The following FRMPD4 variants were observed in gnomAD, a reference collection of about 807,000 sequenced individuals.
The protein encoded by FRMPD4 is FERM and PDZ domain-containing protein 4.
FRMPD4 carries 22 observed loss-of-function variants against 94.1 expected under a neutral mutation model. The ratio of observed to expected loss-of-function variants is 0.23; its 90% CI spans 0.17 to 0.33. The LOEUF (loss-of-function observed/expected upper bound fraction) is 0.33. FRMPD4 is among the 10% of genes least tolerant of loss of function. FRMPD4 has a pLI of 1.00. For synonymous variants in FRMPD4, 631 were observed against 548.6 expected (o/e 1.15, Z -2.10); for missense variants, 1,111 against 1,339.9 (o/e 0.83, Z 2.67).
chrX:11,978,374 A>G lies in FRMPD4; in HGVS notation c.95+100356A>G, dbSNP rs747306410. 6.5e-3 allele frequency among the ~76,000 whole-genome samples: 692 copies of G among 106,314 alleles called. 3 individuals carry two copies. The highest frequency in any genetic ancestry group is 0.024 in the Middle Eastern group (5 of 208). The allele number at this position is 106,314 out of a possible 115,157, so 92.3% of individuals were successfully genotyped here. A position where few individuals can be genotyped will look rare whatever the true frequency, so the allele number is the denominator to read the frequency against. ...AGTTCCCTGGCTGAGGAGGAAGTCC[A>G]TTCAGATGGTTGGGGGGCCTTAGAA... is the stretch of plus-strand genomic sequence containing the variant. On this transcript the variant is annotated intron_variant, in intron 3 of 18. Coordinates refer to the FRMPD4 transcript ENST00000640291.
chrX:12,583,553 G>T (rs947887200), intron 2 of FRMPD4: 94 of 878,152 alleles, frequency 1.1e-4, no homozygotes, highest in Admixed American at 1.8e-4. Context: ...CCAAAACCAC[G>T]CTCCAGCGCA....
At chrX:12,614,655 G>C in intron 3 of FRMPD4, 124 bp from the exon 4 acceptor site, 1 of 468,024 alleles carries the variant, frequency 2.1e-6, no homozygotes, top group Admixed American at 2.9e-5. Context: ...GAACACCCAA[G>C]TGTGGTTGGG....
intron 3 of FRMPD4, among the ~76,000 whole-genome samples, chrX:11,932,599 T>A (rs1199680668): frequency 9.0e-6 from 1 of 110,704 alleles, no homozygotes; most frequent in Non-Finnish European, 1.9e-5. Flanking sequence ...TGTGTAAAAC[T>A]GTGTACTAGG....
At chrX:11,893,930 G>T (rs775725857) in intron 3 of FRMPD4, among the ~76,000 whole-genome samples, 1 of 111,843 alleles carries the variant, frequency 8.9e-6, no homozygotes, top group Non-Finnish European at 1.9e-5. Flanking sequence ...TGTTGTGAAG[G>T]GATTCTGCAG....
chrX:12,427,908 T>C (rs867700376), intron 1 of FRMPD4, among the ~76,000 whole-genome samples: 9,000 of 71,710 alleles, frequency 0.13, 528 homozygotes, highest in Middle Eastern at 0.21. Flanking sequence ...TTTTTTTTTT[T>C]TTTTTTTTTT....
At chrX:12,610,258 G>T (rs2059168613) in intron 3 of FRMPD4, among the ~76,000 whole-genome samples, 1 of 112,276 alleles carries the variant, frequency 8.9e-6, no homozygotes, top group African/African-American at 3.2e-5. Flanking sequence ...GGGGTAGTTG[G>T]ATTATTTCAC....
chrX:11,842,267 T>A (rs2053541918), intron 1 of FRMPD4, among the ~76,000 whole-genome samples: 1 of 101,886 alleles, frequency 9.8e-6, no homozygotes, highest in South Asian at 4.2e-4. Flanking sequence ...TAAAGTAGTT[T>A]TTTCCAATTC....
chrX:12,268,554 A>G (rs757577396), intron 1 of FRMPD4, among the ~76,000 whole-genome samples: 22 of 111,756 alleles, frequency 2.0e-4, no homozygotes, highest in Admixed American at 5.7e-4. Flanking sequence ...TGGTTGGGAA[A>G]TTACTTTGGA....
At chrX:12,260,268 C>T (rs1277921844) in intron 1 of FRMPD4, among the ~76,000 whole-genome samples, 2 of 111,396 alleles carry the variant, frequency 1.8e-5, no homozygotes, top group Non-Finnish European at 3.8e-5. Flanking sequence ...TGTCCAAATA[C>T]CTATTGCATA....
chrX:11,854,750 TTG>T (rs1358973882), intron 1 of FRMPD4, among the ~76,000 whole-genome samples: 1 of 112,685 alleles, frequency 8.9e-6, no homozygotes. Flanking sequence ...CCCCGTGGCT[TTG>T]CAGGGTACAG....
At chrX:12,537,794 T>C (rs2058357469) in intron 2 of FRMPD4, among the ~76,000 whole-genome samples, 1 of 110,655 alleles carries the variant, frequency 9.0e-6, no homozygotes, top group Non-Finnish European at 1.9e-5. Context: ...GCACGCCTAT[T>C]GTCTGAATTA....
At chrX:12,694,484 C>T (rs1340190283) in intron 9 of FRMPD4, 30 bp downstream of exon 9, 1 of 1,127,718 alleles carries the variant, frequency 8.9e-7, no homozygotes. Context: ...TGTTTTATAT[C>T]AATGTTGTGA....
chrX:12,329,507 G>A (rs769772401), intron 1 of FRMPD4, among the ~76,000 whole-genome samples: 14 of 110,625 alleles, frequency 1.3e-4, no homozygotes, highest in African/African-American at 4.3e-4. Context: ...CCTCAGTTTG[G>A]GGTATTGCTT....
intron 12 of FRMPD4, 40 bp from the exon 13 acceptor site, chrX:12,707,429 G>A: frequency 1.9e-6 from 2 of 1,032,426 alleles, no homozygotes; most frequent in Admixed American, 5.5e-5. Flanking sequence ...TAGCATTTCA[G>A]AGGTTCAGTA....
intron 1 of FRMPD4, among the ~76,000 whole-genome samples, chrX:12,162,478 A>G: frequency 8.9e-6 from 1 of 112,221 alleles, no homozygotes; most frequent in Non-Finnish European, 1.9e-5. Flanking sequence ...CAGATTGCCC[A>G]CTCAGAATGC....
intron 2 of FRMPD4, among the ~76,000 whole-genome samples, chrX:12,562,568 G>A (rs1292879675): frequency 8.9e-6 from 1 of 112,501 alleles, no homozygotes; most frequent in Admixed American, 9.4e-5. Context: ...AAAGTGCTAT[G>A]ATTAATTCTT....
At chrX:12,306,395 G>T (rs2054943407) in intron 1 of FRMPD4, among the ~76,000 whole-genome samples, 1 of 112,046 alleles carries the variant, frequency 8.9e-6, no homozygotes, top group African/African-American at 3.2e-5. Flanking sequence ...ACCTTGCAGT[G>T]ACGAGCATTT....
intron 1 of FRMPD4, among the ~76,000 whole-genome samples, chrX:12,317,598 A>C (rs1431083290): frequency 1.0e-4 from 11 of 106,219 alleles, no homozygotes; most frequent in Admixed American, 9.0e-4. Context: ...AAAAAAAAAA[A>C]AAAAACAAAA....
chrX:12,253,049 A>G (rs1175853848), intron 1 of FRMPD4, among the ~76,000 whole-genome samples: 2 of 112,395 alleles, frequency 1.8e-5, no homozygotes, highest in Non-Finnish European at 3.8e-5. Flanking sequence ...AAAAAATGTC[A>G]TGTAGGTGAG....
Sources: gnomAD v4.1 joint callset for allele counts (sites outside exome capture counted in the v4.1 genomes callset) on GRCh38, gnomAD v4.1.1 for gene constraint, MANE v1.5 for transcripts, NCBI Gene and HGNC (gene_info 2026-07-23, HGNC 2026-07-21) for gene names.